Variants in GPM6A observed in about 807,000 individuals in gnomAD.
GPM6A encodes the protein neuronal membrane glycoprotein M6-a.
In GPM6A, 7 loss-of-function variants were observed where a neutral mutation model predicts 32.1. That is an observed-to-expected ratio of 0.22 (90% CI 0.12 to 0.41). The LOEUF is 0.41. Among genes scored for constraint, GPM6A ranks in the 10% least tolerant of loss-of-function variants. The probability of loss-of-function intolerance (pLI) is 1.00; values close to 1 mark genes in which losing one functional copy is unlikely to be tolerated. For missense variants in GPM6A, 235 were observed against 347.2 expected (o/e 0.68, Z 2.57); for synonymous variants, 130 against 123.4 (o/e 1.05, Z -0.35).
At chr4:175,681,632 A>G (rs937123521) in intron 2 of GPM6A, among the ~76,000 whole-genome samples, 1 of 151,958 alleles carries the variant, frequency 6.6e-6, no homozygotes, top group Non-Finnish European at 1.5e-5. Flanking sequence ...CTAACTTAAG[A>G]GGGTGTAGCA....
At chr4:175,662,574 T>C (rs2110950280) in intron 3 of GPM6A, among the ~76,000 whole-genome samples, 1 of 152,226 alleles carries the variant, frequency 6.6e-6, no homozygotes, top group East Asian at 1.9e-4. Context: ...CACTCCAGCC[T>C]GGGCAACAGA....
chr4:175,838,498 A>G (rs1321127876), intron 1 of GPM6A, among the ~76,000 whole-genome samples: 1 of 151,608 alleles, frequency 6.6e-6, no homozygotes, highest in African/African-American at 2.4e-5. Context: ...CAAAGTCAGT[A>G]GTCTACTCCA....
chr4:175,799,199 ATC>A (rs1734361379), intron 1 of GPM6A, among the ~76,000 whole-genome samples: 1 of 152,118 alleles, frequency 6.6e-6, no homozygotes, highest in African/African-American at 2.4e-5. Flanking sequence ...CCCTTTGCTC[ATC>A]TGTCTTAGGG....
chr4:175,887,112 A>G (rs781477783), intron 1 of GPM6A, among the ~76,000 whole-genome samples: 7 of 152,034 alleles, frequency 4.6e-5, no homozygotes, highest in Non-Finnish European at 8.8e-5. Flanking sequence ...CTGGTACCCA[A>G]TAATTAAAGT....
intron 1 of GPM6A, among the ~76,000 whole-genome samples, chr4:175,722,876 T>C (rs1183983924): frequency 1.2e-5 from 1 of 84,080 alleles, no homozygotes; most frequent in African/African-American, 4.5e-5. Flanking sequence ...AAACTGTCTT[T>C]ACAAAGAAAT....
chr4:175,717,117 T>C (rs1745879770), intron 1 of GPM6A, among the ~76,000 whole-genome samples: 1 of 152,040 alleles, frequency 6.6e-6, no homozygotes, highest in Admixed American at 6.6e-5. Flanking sequence ...GCCAGCATCA[T>C]TTCCCACTGC....
Position 175,889,165 on chromosome 4 carries a change from G to A in GPM6A, c.-22-76916C>T, listed in dbSNP as rs181373029. ...ATTAGATGAACTAAAGATCTGATGTGAAAAATAAAACTTTATAACTTTTAG... is the reference window on the plus strand; with the variant it reads ...ATTAGATGAACTAAAGATCTGATGTAAAAAATAAAACTTTATAACTTTTAG... On this transcript the variant is annotated intron_variant, in intron 1 of 7. Coordinates refer to the GPM6A transcript ENST00000280187. Among the ~76,000 whole-genome samples the A allele has an allele frequency of 2.2e-3, 334 of 152,216 alleles. 2 individuals carry two copies. The highest frequency in any genetic ancestry group is 7.1e-3 in the African/African-American group (296 of 41,536).
intron 1 of GPM6A, among the ~76,000 whole-genome samples, chr4:175,931,812 T>C (rs1739056818): frequency 6.6e-6 from 1 of 151,816 alleles, no homozygotes; most frequent in African/African-American, 2.4e-5. Context: ...GGGCTGGACA[T>C]GGTGGCTTAT....
chr4:175,768,946 T>C (rs913407108), intron 1 of GPM6A, among the ~76,000 whole-genome samples: 1 of 151,920 alleles, frequency 6.6e-6, no homozygotes, highest in African/African-American at 2.4e-5. Flanking sequence ...AATACCAAAA[T>C]TAGCTGGGCG....
upstream of GPM6A, among the ~76,000 whole-genome samples, chr4:175,814,925 T>C (rs530839253): frequency 6.6e-6 from 1 of 152,290 alleles, no homozygotes; most frequent in East Asian, 1.9e-4. Flanking sequence ...GACTTTTTCA[T>C]CTCCACAAAC....
chr4:175,995,713 T>C (rs1001922920), intron 1 of GPM6A, among the ~76,000 whole-genome samples: 92 of 152,332 alleles, frequency 6.0e-4, no homozygotes, highest in Middle Eastern at 3.4e-3. Flanking sequence ...GCAATAAAAT[T>C]AGAGGTTCTA....
intron 1 of GPM6A, among the ~76,000 whole-genome samples, chr4:175,934,016 A>G (rs914834203): frequency 6.6e-6 from 1 of 152,236 alleles, no homozygotes. Context: ...TATGCGGAGT[A>G]AAAGAAACCA....
At chr4:175,941,589 G>A (rs1739414046) in intron 1 of GPM6A, among the ~76,000 whole-genome samples, 1 of 152,080 alleles carries the variant, frequency 6.6e-6, no homozygotes, top group Non-Finnish European at 1.5e-5. Context: ...TCCCCTCTCT[G>A]TGTCCATGTG....
Position 175,698,638 on chromosome 4 carries a change from T to A in GPM6A, c.230+2937A>T, listed in dbSNP as rs576207946. 2.0e-5 allele frequency among the ~76,000 whole-genome samples: 3 copies of A among 152,298 alleles called. No individual in the cohort carries two copies. In the South Asian group the frequency reaches 6.2e-4, roughly 32 times the overall value. Reference sequence around the variant, plus strand: ...TTCCCTCTGTGTTTTCATGAACTATTTGTTGGTAGGGAGAGAGTCTCAAAT... The same window carrying A: ...TTCCCTCTGTGTTTTCATGAACTATATGTTGGTAGGGAGAGAGTCTCAAAT... On this transcript the variant is annotated intron_variant, in intron 2 of 6. Coordinates refer to ENST00000393658, the MANE Select transcript of GPM6A (RefSeq NM_201591.3).
chr4:175,688,490 G>A (rs1034774348), intron 2 of GPM6A, among the ~76,000 whole-genome samples: 41 of 152,018 alleles, frequency 2.7e-4, no homozygotes, highest in African/African-American at 9.4e-4. Flanking sequence ...GTGAAAATTC[G>A]GTGATAGTAT....
At chr4:175,712,093 C>T (rs1745588088) in intron 1 of GPM6A, among the ~76,000 whole-genome samples, 1 of 152,092 alleles carries the variant, frequency 6.6e-6, no homozygotes, top group South Asian at 2.1e-4. Flanking sequence ...AAAAGATAAA[C>T]AACTTAGAAG....
rs1184764683 is a variant in GPM6A, at chr4:175,728,228, C to A, written c.38-26461G>T. On this transcript the variant is annotated intron_variant, in intron 1 of 6. Transcript: ENST00000393658. ...TTGAACACATGCAAATGGTTTGTAGCCATTTTCCTGAAAGAATCAAAGAGA... is the reference window on the plus strand; with the variant it reads ...TTGAACACATGCAAATGGTTTGTAGACATTTTCCTGAAAGAATCAAAGAGA... 2.0e-5 allele frequency among the ~76,000 whole-genome samples: 3 copies of A among 151,980 alleles called. No homozygotes were observed. The East Asian group carries it at 5.8e-4, about 29-fold the overall frequency.
At chr4:175,996,454 T>C (rs1741311382) in intron 1 of GPM6A, among the ~76,000 whole-genome samples, 1 of 152,180 alleles carries the variant, frequency 6.6e-6, no homozygotes. Context: ...AAGAGGATAT[T>C]GAGCAAAGGA....
intron 1 of GPM6A, among the ~76,000 whole-genome samples, chr4:175,984,777 T>C (rs1312583151): frequency 6.6e-6 from 1 of 152,174 alleles, no homozygotes; most frequent in Non-Finnish European, 1.5e-5. Flanking sequence ...TTTATTTTCA[T>C]GTGTAGGGTA....
Sources: allele counts gnomAD v4.1 joint callset (sites outside exome capture counted in the v4.1 genomes callset), GRCh38; gene constraint gnomAD v4.1.1; transcripts MANE v1.5; gene names NCBI Gene and HGNC (gene_info 2026-07-23, HGNC 2026-07-21).